Variants in BARX2 observed in about 807,000 individuals in gnomAD.
BARX2 encodes BARX homeobox 2.
Under a neutral mutation model 25.5 loss-of-function variants are expected in BARX2, and 11 were observed. That is an observed-to-expected ratio of 0.43 (90% CI 0.27 to 0.71). The LOEUF (loss-of-function observed/expected upper bound fraction) is 0.71. BARX2 is among the 30% of genes least tolerant of loss of function. The pLI is 0.19. For missense variants in BARX2, 360 were observed against 359.9 expected (o/e 1.00, Z 0.00); for synonymous variants, 137 against 149.5 (o/e 0.92, Z 0.61).
intron 1 of BARX2, among the ~76,000 whole-genome samples, chr11:129,387,739 T>C (rs1271881554): frequency 6.6e-6 from 1 of 152,120 alleles, no homozygotes; most frequent in Non-Finnish European, 1.5e-5. Context: ...TACTGGGAGA[T>C]TGGGCCTTTG....
intron 1 of BARX2, among the ~76,000 whole-genome samples, chr11:129,386,315 G>A (rs548500786): frequency 3.3e-5 from 5 of 152,234 alleles, no homozygotes; most frequent in Admixed American, 1.3e-4. Flanking sequence ...ACTACCCTTA[G>A]CATTTCACCA....
At chr11:129,413,749 C>T (rs1565515382) in intron 1 of BARX2, among the ~76,000 whole-genome samples, 1 of 152,022 alleles carries the variant, frequency 6.6e-6, no homozygotes, top group Non-Finnish European at 1.5e-5. Context: ...TTCTTTATTT[C>T]TAGAGACAGC....
chr11:129,431,113 G>A (rs557352435), intron 1 of BARX2, among the ~76,000 whole-genome samples: 7 of 152,144 alleles, frequency 4.6e-5, no homozygotes, highest in South Asian at 2.1e-4. Context: ...CTACCACCTC[G>A]GCCTCCCAGT....
chr11:129,378,271 A>C (rs960950744), intron 1 of BARX2, among the ~76,000 whole-genome samples: 2 of 152,208 alleles, frequency 1.3e-5, no homozygotes, highest in African/African-American at 4.8e-5. Context: ...GGTGGAATTA[A>C]ACCCATAAAA....
chr11:129,435,394 G>A (rs1199708461), intron 1 of BARX2, among the ~76,000 whole-genome samples: 2 of 152,206 alleles, frequency 1.3e-5, no homozygotes, highest in Non-Finnish European at 2.9e-5. Context: ...GTGACTGGGG[G>A]CCAAACAAAG....
At chr11:129,422,799 G>T (rs576128922) in intron 1 of BARX2, among the ~76,000 whole-genome samples, 1 of 149,246 alleles carries the variant, frequency 6.7e-6, no homozygotes, top group Admixed American at 6.6e-5. Context: ...TACCTCCCAG[G>T]TTCAAGTGAT....
chr11:129,405,193 C>T (rs1031053220), intron 1 of BARX2, among the ~76,000 whole-genome samples: 3 of 152,120 alleles, frequency 2.0e-5, no homozygotes, highest in African/African-American at 4.8e-5. Context: ...TGGGATATCC[C>T]GACTACAGCA....
intron 1 of BARX2, among the ~76,000 whole-genome samples, chr11:129,417,490 G>A (rs1861957561): frequency 6.6e-6 from 1 of 152,246 alleles, no homozygotes; most frequent in Non-Finnish European, 1.5e-5. Context: ...GGGGCCCAAC[G>A]AAAGGAACGC....
rs188869073 is a variant in BARX2 at position 129,397,425 on chromosome 11, T to C, written c.187+21203T>C. 1.1e-4 allele frequency among the ~76,000 whole-genome samples: 17 copies of C among 152,336 alleles called. No homozygotes were observed. In the East Asian group the frequency reaches 3.3e-3, roughly 29 times the overall value. On this transcript the variant is annotated intron_variant, in intron 1 of 3. Transcript: ENST00000281437. ...TTGTATAGGTGGCTATGATTATTTT[T>C]ATAAAAAATTGGATTCTAAACAAGT...
intron 1 of BARX2, among the ~76,000 whole-genome samples, chr11:129,423,424 T>C (rs1862029334): frequency 6.6e-6 from 1 of 152,100 alleles, no homozygotes; most frequent in African/African-American, 2.4e-5. Context: ...CCAGATTGGA[T>C]TTTTAAAATT....
chr11:129,427,007 G>T (rs1398834755), intron 1 of BARX2, among the ~76,000 whole-genome samples: 1 of 152,144 alleles, frequency 6.6e-6, no homozygotes, highest in Non-Finnish European at 1.5e-5. Flanking sequence ...GCTGAATCTT[G>T]CTTTGCATGT....
At chr11:129,385,905 T>C (rs935076644) in intron 1 of BARX2, among the ~76,000 whole-genome samples, 31 of 152,226 alleles carry the variant, frequency 2.0e-4, no homozygotes, top group African/African-American at 7.5e-4. Flanking sequence ...AGCTTTTCTA[T>C]CCTGAAACAG....
Position 129,375,957 on chromosome 11 carries a change from G to T in BARX2, c.-79G>T, listed in dbSNP as rs879741944. ...CCGGGAGCGGGGCCCAGGCCCCGCC[G>T]TCGCGCCAGCCCCGCGGCCCCAGCG... On this transcript the variant is annotated 5_prime_UTR_variant, in exon 1 of 4. Coordinates refer to ENST00000281437, the MANE Select transcript of BARX2 (RefSeq NM_003658.5). This position sits in a 1 kb window ranked among gnomAD's most constrained non-coding sequence, Gnocchi z 4.0. The T allele has an allele frequency of 6.1e-5, 55 of 903,376 alleles. No homozygotes were observed. In the Admixed American group the frequency reaches 2.2e-3, roughly 36 times the overall value. The allele number at this position is 903,376 out of a possible 1,614,324, so 56.0% of individuals were successfully genotyped here.
chr11:129,397,830 G>T (rs1398679290), intron 1 of BARX2, among the ~76,000 whole-genome samples: 1 of 152,204 alleles, frequency 6.6e-6, no homozygotes. Flanking sequence ...CAGCCTCTAA[G>T]TTGAGACCTA....
intron 2 of BARX2, 166 bp downstream of exon 2, chr11:129,437,217 C>G (rs913196492): frequency 6.3e-6 from 5 of 794,056 alleles, no homozygotes; most frequent in Non-Finnish European, 9.1e-6. Context: ...CAGAACCCAG[C>G]CCACATGAAT....
chr11:129,440,087 C>T (rs531471870), intron 2 of BARX2, among the ~76,000 whole-genome samples: 2 of 152,294 alleles, frequency 1.3e-5, no homozygotes, highest in East Asian at 3.9e-4. Flanking sequence ...CGCCTCCCTA[C>T]GTGACCAGGG....
In BARX2 at chr11:129,376,497, C is replaced by T. The variant is rs991504312; in HGVS notation, c.187+275C>T. On this transcript the variant is annotated intron_variant, in intron 1 of 3. Transcript: ENST00000281437. The surrounding 1 kb of genome is among the most constrained non-coding windows in gnomAD (Gnocchi z 4.2). ...TGTCCTGCTCGGAGGAGAACGCTTC[C>T]TCGTTTCCTGCTGAAAGTTCAAACA... Among the ~76,000 whole-genome samples the T allele has an allele frequency of 2.6e-5, 4 of 152,208 alleles. No homozygotes were observed. The highest frequency in any genetic ancestry group is 9.6e-5 in the African/African-American group (4 of 41,462).
intron 1 of BARX2, among the ~76,000 whole-genome samples, chr11:129,432,888 G>T (rs547000439): frequency 1.6e-4 from 25 of 152,274 alleles, no homozygotes; most frequent in African/African-American, 6.0e-4. Flanking sequence ...CCCCTCCTCA[G>T]TGTCTTTGGC....
chr11:129,401,909 T>C (rs1193803642), intron 1 of BARX2, among the ~76,000 whole-genome samples: 1 of 151,156 alleles, frequency 6.6e-6, no homozygotes, highest in East Asian at 1.9e-4. Flanking sequence ...TGAGCCAAGA[T>C]TGCACCATTG....
Sources: allele counts gnomAD v4.1 joint callset (sites outside exome capture counted in the v4.1 genomes callset), GRCh38; gene constraint gnomAD v4.1.1; non-coding constraint Gnocchi (gnomAD v3.1); transcripts MANE v1.5; gene names NCBI Gene and HGNC (gene_info 2026-07-23, HGNC 2026-07-21).